The following DEUP1 variants were observed in gnomAD, a reference collection of about 807,000 sequenced individuals.
DEUP1 encodes deuterosome assembly protein 1.
Under a neutral mutation model 87.4 loss-of-function variants are expected in DEUP1, and 82 were observed. The ratio of observed to expected loss-of-function variants is 0.94; its 90% CI spans 0.78 to 1.13. The LOEUF (loss-of-function observed/expected upper bound fraction) is 1.13. Among genes scored for constraint, DEUP1 ranks in the 50% most tolerant of loss-of-function variants. The probability of loss-of-function intolerance (pLI) is 0.00; values close to 1 mark genes in which losing one functional copy is unlikely to be tolerated. For missense variants in DEUP1, 663 were observed against 681.5 expected (o/e 0.97, Z 0.30); for synonymous variants, 214 against 222.7 (o/e 0.96, Z 0.35).
intron 13 of DEUP1, among the ~76,000 whole-genome samples, chr11:93,427,491 G>C (rs1012655685): frequency 2.4e-4 from 36 of 152,008 alleles, no homozygotes; most frequent in Admixed American, 9.2e-4. Context: ...GGATTAAAGA[G>C]TTAAATGTTA....
chr11:93,356,050 T>C (rs544210816), intron 3 of DEUP1, among the ~76,000 whole-genome samples: 1 of 151,094 alleles, frequency 6.6e-6, no homozygotes, highest in South Asian at 2.1e-4. Flanking sequence ...TCTAGGCTGC[T>C]CACTGCCAAG....
At chr11:93,436,253 C>A (rs996310280) in intron 13 of DEUP1, among the ~76,000 whole-genome samples, 1 of 152,138 alleles carries the variant, frequency 6.6e-6, no homozygotes, top group Non-Finnish European at 1.5e-5. Context: ...CTCATCAAGT[C>A]TCATTAACAT....
chr11:93,437,704 A>C lies in DEUP1; in HGVS notation c.1800A>C (p.Gln600His). ...TTAATAAATACTCCAAGCTAAAACA[A>C]AATAGACACATATGAGCTTTTAAAC... ...FTLNKYSKLK[Q>H]NRHI Residue 600 changes from glutamine to histidine, a missense_variant, in exon 14 of 14, where the codon CAA becomes CAC. By Grantham distance (24) the Gln-to-His change is conservative (BLOSUM62 0). Transcript: ENST00000298050. 1 of 1,597,604 alleles carries C rather than the reference A, an allele frequency of 6.3e-7. No individual in the cohort carries two copies.
In DEUP1 at chr11:93,419,878, A is replaced by T. The variant is rs182480530; in HGVS notation, c.1638+4764A>T. 1.6e-3 allele frequency among the ~76,000 whole-genome samples: 201 copies of T among 128,060 alleles called. 1 individual carries two copies. The highest frequency in any genetic ancestry group is 5.7e-3 in the African/African-American group (175 of 30,632). 84.0% of individuals were successfully genotyped at this position (128,060 alleles called of 152,430 possible). On this transcript the variant is annotated intron_variant, in intron 13 of 13. Coordinates refer to ENST00000298050, the MANE Select transcript of DEUP1 (RefSeq NM_181645.4). ...ATAATAAAATAAAATAAAATAAAAT[A>T]AAAATTAAAAAAAAAACAGGCTCTG... is the stretch of plus-strand genomic sequence containing the variant.
At chr11:93,343,163 C>G (rs1458098727) in intron 2 of DEUP1, among the ~76,000 whole-genome samples, 3 of 152,158 alleles carry the variant, frequency 2.0e-5, no homozygotes, top group Non-Finnish European at 4.4e-5. Flanking sequence ...TTCTGACATT[C>G]CAAAAGCAGT....
chr11:93,415,389 G>A (rs185474450), intron 13 of DEUP1, among the ~76,000 whole-genome samples: 9 of 152,216 alleles, frequency 5.9e-5, no homozygotes, highest in Admixed American at 5.2e-4. Context: ...AAATGCGAGT[G>A]CTTGGGACTC....
In DEUP1 at chr11:93,331,307, A is replaced by G. The variant is rs61922365; in HGVS notation, c.-45+535A>G. ...CGGAGGAGTTGAAGTCCTTTTCAAT[A>G]CTTTCTCCAGTTATCGTCATAGATT... On this transcript the variant is annotated intron_variant, in intron 1 of 13. Transcript: ENST00000298050. Among the ~76,000 whole-genome samples, 1,428 of 151,320 alleles carry G rather than the reference A, an allele frequency of 9.4e-3. 8 individuals carry two copies. The highest frequency in any genetic ancestry group is 0.017 in the Admixed American group (266 of 15,218).
intron 7 of DEUP1, among the ~76,000 whole-genome samples, chr11:93,372,391 T>C (rs1435274880): frequency 6.6e-6 from 1 of 152,170 alleles, no homozygotes; most frequent in East Asian, 1.9e-4. Flanking sequence ...CTAGCATACA[T>C]GATTGAGGTA....
intron 2 of DEUP1, among the ~76,000 whole-genome samples, chr11:93,351,747 A>G (rs1944637859): frequency 6.6e-6 from 1 of 152,254 alleles, no homozygotes; most frequent in South Asian, 2.1e-4. Context: ...GAATGCTAGG[A>G]GAAGACTTCA....
At chr11:93,385,243 A>G (rs1946485131) in intron 7 of DEUP1, among the ~76,000 whole-genome samples, 155 bp from the exon 8 acceptor site, 1 of 141,816 alleles carries the variant, frequency 7.1e-6, no homozygotes, top group South Asian at 2.5e-4. Flanking sequence ...GAAAACAAAA[A>G]TGAAGGAATG....
rs1025412317 is a variant in DEUP1 at position 93,339,742 on chromosome 11, C to T, written c.29+7454C>T. Among the ~76,000 whole-genome samples, 24 of 152,222 alleles carry T rather than the reference C, an allele frequency of 1.6e-4. 1 individual carries two copies. Among genetic ancestry groups the T allele is most frequent in the Admixed American group, 7.2e-4 (11 of 15,290 alleles). ...CCTTACACAGTGTCGGAGGAGGCCA[C>T]GTAGGAAAGAGTAATGAGGCATCCC... On this transcript the variant is annotated intron_variant, in intron 2 of 13. Transcript: ENST00000298050.
chr11:93,414,336 G>GC (rs577372051), intron 12 of DEUP1, among the ~76,000 whole-genome samples: 1 of 152,050 alleles, frequency 6.6e-6, no homozygotes, highest in East Asian at 1.9e-4. Flanking sequence ...ACATGGTGAA[G>GC]CCCCATCTCT....
In DEUP1 at chr11:93,373,640, T is replaced by TGTATATATATATGCATATATATATAC. The variant is rs1565316501; in HGVS notation, c.789+2360_789+2361insGTATATATATATGCATATATATATAC. Reference sequence around the variant, plus strand: ...ATATATATACGTATATATATATATATATATATATATACGTATATATATGCC... The same window carrying TGTATATATATATGCATATATATATAC: ...ATATATATACGTATATATATATATATGTATATATATATGCATATATATATACATATATATATACGTATATATATGCC... On this transcript the variant is annotated intron_variant, in intron 7 of 13. Coordinates refer to ENST00000298050, the MANE Select transcript of DEUP1 (RefSeq NM_181645.4). Among the ~76,000 whole-genome samples the TGTATATATATATGCATATATATATAC allele has an allele frequency of 1.4e-3, 200 of 142,352 alleles. 1 individual carries two copies. The highest frequency in any genetic ancestry group is 4.9e-3 in the African/African-American group (193 of 39,178). The allele number at this position is 142,352 out of a possible 152,430, so 93.4% of individuals were successfully genotyped here. A position where few individuals can be genotyped will look rare whatever the true frequency, so the allele number is the denominator to read the frequency against.
intron 13 of DEUP1, 32 bp from the exon 14 acceptor site, chr11:93,437,511 C>T: frequency 6.4e-7 from 1 of 1,556,014 alleles, no homozygotes; most frequent in Non-Finnish European, 8.8e-7. Flanking sequence ...GCTCTGTATT[C>T]CTCACTCACT....
chr11:93,355,702 T>C (rs1287338203), intron 3 of DEUP1, among the ~76,000 whole-genome samples, 160 bp downstream of exon 3: 1 of 152,190 alleles, frequency 6.6e-6, no homozygotes, highest in African/African-American at 2.4e-5. Flanking sequence ...ATGTATTATA[T>C]CAAATAAGTG....
intron 11 of DEUP1, among the ~76,000 whole-genome samples, chr11:93,405,244 A>AG (rs922036503): frequency 2.0e-5 from 3 of 151,824 alleles, no homozygotes; most frequent in Non-Finnish European, 2.9e-5. Flanking sequence ...TTCCTTATGG[A>AG]GGGAAAAAAT....
chr11:93,378,233 G>T (rs1946134145), intron 7 of DEUP1, among the ~76,000 whole-genome samples: 1 of 152,084 alleles, frequency 6.6e-6, no homozygotes, highest in African/African-American at 2.4e-5. Context: ...TCTTCCTCAG[G>T]AACACCAATT....
intron 11 of DEUP1, among the ~76,000 whole-genome samples, chr11:93,397,190 C>T (rs1946970290): frequency 6.6e-6 from 1 of 152,048 alleles, no homozygotes; most frequent in Admixed American, 6.6e-5. Context: ...CTCCATTGGC[C>T]CTCCTTAAGC....
At chr11:93,393,825 T>TG (rs2134361206) in intron 9 of DEUP1, among the ~76,000 whole-genome samples, 1 of 152,302 alleles carries the variant, frequency 6.6e-6, no homozygotes, top group Non-Finnish European at 1.5e-5. Context: ...CAGAATTCAT[T>TG]GCCTGACCAG....
Sources: allele counts gnomAD v4.1 joint callset (sites outside exome capture counted in the v4.1 genomes callset), GRCh38; gene constraint gnomAD v4.1.1; transcripts MANE v1.5; gene names NCBI Gene and HGNC (gene_info 2026-07-23, HGNC 2026-07-21).